The following CSNK1D variants were observed in gnomAD, a reference collection of about 807,000 sequenced individuals.
CSNK1D encodes the protein casein kinase I isoform delta.
Under a neutral mutation model 46.6 loss-of-function variants are expected in CSNK1D, and 16 were observed. The ratio of observed to expected loss-of-function variants is 0.34; its 90% CI spans 0.23 to 0.52. The LOEUF is 0.52. CSNK1D is among the 20% of genes least tolerant of loss of function. The pLI is 0.95. For missense variants in CSNK1D, 398 were observed against 578.4 expected (o/e 0.69, Z 3.20); for synonymous variants, 276 against 228.2 (o/e 1.21, Z -1.89).
At chr17:82,264,947 G>A (rs1444503493) in intron 2 of CSNK1D, among the ~76,000 whole-genome samples, 1 of 151,854 alleles carries the variant, frequency 6.6e-6, no homozygotes, top group African/African-American at 2.4e-5. Flanking sequence ...ACAGGCGCCC[G>A]CCACCACGAA....
intron 2 of CSNK1D, among the ~76,000 whole-genome samples, chr17:82,260,326 GTGA>G: frequency 7.3e-6 from 1 of 137,770 alleles, no homozygotes; most frequent in African/African-American, 2.5e-5. Flanking sequence ...ACTGAGTGAT[GTGA>G]CTGATGGTGT....
chr17:82,259,667 T>C (rs2051272965), intron 2 of CSNK1D, among the ~76,000 whole-genome samples: 1 of 152,232 alleles, frequency 6.6e-6, no homozygotes. Flanking sequence ...CAGCAAATGC[T>C]AGAAGCTCCC....
intron 1 of CSNK1D, among the ~76,000 whole-genome samples, chr17:82,269,265 A>C (rs984752262): frequency 3.9e-5 from 6 of 152,190 alleles, no homozygotes; most frequent in Non-Finnish European, 5.9e-5. Flanking sequence ...CTTGAGCAGC[A>C]GGACAAAGGT....
chr17:82,254,496 C>T (rs2051111671), intron 3 of CSNK1D: 2 of 211,218 alleles, frequency 9.5e-6, no homozygotes, highest in Non-Finnish European at 1.8e-5. Flanking sequence ...GCCGGAGCCT[C>T]GAGAAGCCAG....
At chr17:82,267,397 A>T (rs2051504683) in intron 1 of CSNK1D, among the ~76,000 whole-genome samples, 1 of 152,184 alleles carries the variant, frequency 6.6e-6, no homozygotes, top group African/African-American at 2.4e-5. Context: ...CCACACGTCC[A>T]CTGAACACCC....
Position 82,255,699 on chromosome 17 carries a change from G to A in CSNK1D, c.188-122C>T, listed in dbSNP as rs917562284. On this transcript the variant is annotated intron_variant, in intron 2 of 8. Transcript: ENST00000314028. The surrounding 1 kb of genome is among the most constrained non-coding windows in gnomAD (Gnocchi z 5.9). ...CCTGAACGGGGGAGGGGTGGTGGAG[G>A]TAGAAGACCCCGGCAACGCCGCTCC... The A allele has an allele frequency of 1.9e-5, 24 of 1,269,964 alleles. No individual in the cohort carries two copies. In the African/African-American group the frequency reaches 2.2e-4, roughly 12 times the overall value. The allele number at this position is 1,269,964 out of a possible 1,614,324, so 78.7% of individuals were successfully genotyped here.
chr17:82,251,240 G>T lies in CSNK1D; in HGVS notation c.885+139C>A. 9.9e-7 allele frequency: 1 copy of T among 1,008,352 alleles called. No individual in the cohort carries two copies. Among genetic ancestry groups the T allele is most frequent in the Non-Finnish European group, 1.5e-6 (1 of 661,122 alleles). The allele number at this position is 1,008,352 out of a possible 1,614,324, so 62.5% of individuals were successfully genotyped here. On this transcript the variant is annotated intron_variant, in intron 6 of 8. Coordinates refer to ENST00000314028, the MANE Select transcript of CSNK1D (RefSeq NM_001893.6). The surrounding 1 kb of genome is among the most constrained non-coding windows in gnomAD (Gnocchi z 4.5). ...CAGACACCCACTCAGTCCAGGTCCT[G>T]CCCACTACACACTTGCCCTTCACAA...
At chr17:82,246,718 C>T (rs1363022803) in intron 8 of CSNK1D, 3 of 991,896 alleles carry the variant, frequency 3.0e-6, no homozygotes, top group Non-Finnish European at 3.6e-6. Flanking sequence ...CACCCAGCCA[C>T]GGCCAGCAAG....
At chr17:82,242,322 C>T (rs1040206176), downstream of CSNK1D, among the ~76,000 whole-genome samples, 6 of 152,204 alleles carry the variant, frequency 3.9e-5, no homozygotes, top group Non-Finnish European at 7.3e-5. Context: ...CACCACGGCC[C>T]TATGGCAGGG....
At chr17:82,245,477 G>A (rs2050827711) in intron 8 of CSNK1D, 1 of 213,240 alleles carries the variant, frequency 4.7e-6, no homozygotes, top group Non-Finnish European at 9.6e-6. Context: ...GAGACAGGAA[G>A]AGAGAGGCGA....
chr17:82,242,332 G>A (rs1011975114), downstream of CSNK1D, among the ~76,000 whole-genome samples: 24 of 152,222 alleles, frequency 1.6e-4, no homozygotes, highest in Admixed American at 3.3e-4. Context: ...CTATGGCAGG[G>A]GGAAGGGACA....
chr17:82,266,349 G>C (rs1304746490), intron 1 of CSNK1D, among the ~76,000 whole-genome samples: 1 of 152,236 alleles, frequency 6.6e-6, no homozygotes, highest in African/African-American at 2.4e-5. Flanking sequence ...CCACCAGGCG[G>C]AGGGAGGCCC....
intron 2 of CSNK1D, 124 bp downstream of exon 2, chr17:82,265,562 G>A (rs2051447449): frequency 5.2e-6 from 4 of 775,630 alleles, no homozygotes; most frequent in Non-Finnish European, 9.2e-6. Flanking sequence ...TCAGGGTGTG[G>A]AGAACACTTC....
intron 2 of CSNK1D, chr17:82,265,203 G>A (rs1196338353): frequency 1.2e-4 from 25 of 200,428 alleles, no homozygotes; most frequent in Admixed American, 2.1e-4. Context: ...GGGGGGGACA[G>A]GGTCTCACTC....
At chr17:82,273,702 A>T, upstream of CSNK1D, 1 of 486,462 alleles carries the variant, frequency 2.1e-6, no homozygotes, top group South Asian at 3.4e-5. This position sits in a 1 kb window ranked among gnomAD's most constrained non-coding sequence, Gnocchi z 5.1. Context: ...TCGCGCTGTG[A>T]CGTCACTTCC....
chr17:82,251,284 T>C lies in CSNK1D; in HGVS notation c.885+95A>G. On this transcript the variant is annotated intron_variant, in intron 6 of 8. Transcript: ENST00000314028. This position sits in a 1 kb window ranked among gnomAD's most constrained non-coding sequence, Gnocchi z 4.5. ...TTCACAACCAGAGACACTCCCTATA[T>C]GGTACAGCCCCTCAACAAGACGGCC... The C allele has an allele frequency of 5.6e-6, 8 of 1,440,534 alleles. No individual in the cohort carries two copies. Among genetic ancestry groups the C allele is most frequent in the Non-Finnish European group, 6.8e-6 (7 of 1,031,056 alleles). The allele number at this position is 1,440,534 out of a possible 1,614,324, so 89.2% of individuals were successfully genotyped here. A position where few individuals can be genotyped will look rare whatever the true frequency, so the allele number is the denominator to read the frequency against.
chr17:82,253,036 A>G lies in CSNK1D; in HGVS notation c.545T>C (p.Ile182Thr). ...CTCACCAATTCCAAGGTGCGTGTTG[A>G]TGGAGGCGTACCGCGCCGTCCCCGT... ...NLTGTARYAS[I>T]NTHLGIEQSR... Residue 182 changes from isoleucine (I) to threonine (T), a missense_variant, in exon 4 of 9, where the codon ATC becomes ACC. Ile to Thr is a moderately conservative substitution (Grantham distance 89). Coordinates refer to ENST00000314028, the MANE Select transcript of CSNK1D (RefSeq NM_001893.6). 6.2e-7 allele frequency: 1 copy of G among 1,614,002 alleles called. No individual in the cohort carries two copies. The highest frequency in any genetic ancestry group is 1.1e-5 in the South Asian group (1 of 91,072).
In CSNK1D at chr17:82,242,943, A is replaced by G; in HGVS notation, c.*1838T>C. On this transcript the variant is annotated 3_prime_UTR_variant, in exon 9 of 9. Transcript: ENST00000314028. ...CACTACATCGGGACCACAGATATTTACAAAGCAAGCTTGCGCCACTTCAGG... is the reference window on the plus strand; with the variant it reads ...CACTACATCGGGACCACAGATATTTGCAAAGCAAGCTTGCGCCACTTCAGG... 1 of 985,468 alleles carries G rather than the reference A, an allele frequency of 1.0e-6. No individual in the cohort carries two copies. The highest frequency in any genetic ancestry group is 1.2e-6 in the Non-Finnish European group (1 of 829,938). The allele number at this position is 985,468 out of a possible 1,614,324, so 61.0% of individuals were successfully genotyped here.
At chr17:82,239,073 G>A (rs1222454189), downstream of CSNK1D, 12 of 1,255,624 alleles carry the variant, frequency 9.6e-6, no homozygotes, top group African/African-American at 3.0e-5. Context: ...GCAGGGCCAC[G>A]GCTGGGCTCC....
Sources: gnomAD v4.1 joint callset for allele counts (sites outside exome capture counted in the v4.1 genomes callset) on GRCh38, gnomAD v4.1.1 for gene constraint, Gnocchi (gnomAD v3.1) non-coding constraint, MANE v1.5 for transcripts, NCBI Gene and HGNC (gene_info 2026-07-23, HGNC 2026-07-21) for gene names.